GRID2: variants seen among roughly 807,000 people sequenced by gnomAD.
The protein encoded by GRID2 is glutamate ionotropic receptor delta type subunit 2.
In GRID2, 33 loss-of-function variants were observed where a neutral mutation model predicts 114.8. That is an observed-to-expected ratio of 0.29 (90% CI 0.22 to 0.38). GRID2 has a LOEUF of 0.38. Among genes scored for constraint, GRID2 ranks in the 10% least tolerant of loss-of-function variants. The pLI, the probability that GRID2 is intolerant of heterozygous loss-of-function variation, is 1.00. For missense variants in GRID2, 1,184 were observed against 1,257.7 expected, an observed-to-expected ratio of 0.94 and a Z score of 0.89; for synonymous variants, 505 against 449.9, an observed-to-expected ratio of 1.12 and a Z score of -1.55.
chr4:93,253,272 C>T (rs1000969623), intron 8 of GRID2, among the ~76,000 whole-genome samples: 3 of 151,638 alleles, frequency 2.0e-5, no homozygotes, highest in Non-Finnish European at 4.4e-5. Context: ...CAAAACAAAA[C>T]AAAAAACTCA....
At chr4:93,455,529 G>A (rs1723096892) in intron 10 of GRID2, 133 bp from the exon 11 acceptor site, 2 of 624,908 alleles carry the variant, frequency 3.2e-6, no homozygotes, top group East Asian at 2.7e-5. Flanking sequence ...AGTCTATGCA[G>A]TGTTTCAGTT....
chr4:92,526,440 T>A (rs1188730950), intron 1 of GRID2, among the ~76,000 whole-genome samples: 1 of 152,030 alleles, frequency 6.6e-6, no homozygotes, highest in African/African-American at 2.4e-5. Flanking sequence ...ACCTCCCAGG[T>A]TCAAGGGATT....
chr4:93,103,633 CT>C (rs1321032453), intron 3 of GRID2, among the ~76,000 whole-genome samples: 1 of 151,936 alleles, frequency 6.6e-6, no homozygotes, highest in Non-Finnish European at 1.5e-5. Context: ...CCAATAACTA[CT>C]TTTAAGGGAG....
At chr4:92,872,488 A>T (rs1015553839) in intron 2 of GRID2, among the ~76,000 whole-genome samples, 1 of 152,138 alleles carries the variant, frequency 6.6e-6, no homozygotes, top group African/African-American at 2.4e-5. Context: ...ATTTTTCTAG[A>T]ATTGTAGAAT....
chr4:93,192,747 CA>C (rs775968274), intron 4 of GRID2, among the ~76,000 whole-genome samples: 1,545 of 43,744 alleles, frequency 0.035, 2 homozygotes, highest in African/African-American at 0.051. Context: ...AACTCCATCT[CA>C]AAAAAAAAAA....
chr4:93,002,121 A>G (rs1369390639), intron 2 of GRID2, among the ~76,000 whole-genome samples: 1 of 151,756 alleles, frequency 6.6e-6, no homozygotes, highest in Non-Finnish European at 1.5e-5. Context: ...GGTCTTACCA[A>G]TGTACATTCA....
intron 10 of GRID2, among the ~76,000 whole-genome samples, chr4:93,438,326 T>A (rs919865232): frequency 6.6e-6 from 1 of 151,760 alleles, no homozygotes; most frequent in Non-Finnish European, 1.5e-5. Flanking sequence ...GCCTGGGGAG[T>A]TGAAAAGATT....
chr4:92,497,003 A>AT (rs1723418843), intron 1 of GRID2, among the ~76,000 whole-genome samples: 1 of 151,654 alleles, frequency 6.6e-6, no homozygotes, highest in Non-Finnish European at 1.5e-5. Context: ...TTTATCCCCT[A>AT]TTTTTTACCT....
intron 12 of GRID2, among the ~76,000 whole-genome samples, chr4:93,497,042 G>T (rs1158388086): frequency 1.3e-5 from 2 of 151,440 alleles, no homozygotes; most frequent in African/African-American, 2.4e-5. Context: ...GTCAGCATTT[G>T]GTGGTATCAT....
chr4:93,650,665 A>T (rs879706459), intron 14 of GRID2, among the ~76,000 whole-genome samples: 1 of 152,200 alleles, frequency 6.6e-6, no homozygotes, highest in Non-Finnish European at 1.5e-5. Flanking sequence ...TACACTTAAA[A>T]AAAGTCCTTT....
chr4:92,783,590 A>G (rs1365306731), intron 2 of GRID2, among the ~76,000 whole-genome samples: 1 of 152,094 alleles, frequency 6.6e-6, no homozygotes, highest in East Asian at 1.9e-4. Context: ...GCTCTAAAAC[A>G]AATACACAAA....
At chr4:93,702,524 T>C (rs984112913) in intron 14 of GRID2, among the ~76,000 whole-genome samples, 3 of 152,146 alleles carry the variant, frequency 2.0e-5, no homozygotes, top group Non-Finnish European at 4.4e-5. Flanking sequence ...CTATTTGCTG[T>C]TACCATAATG....
intron 1 of GRID2, among the ~76,000 whole-genome samples, chr4:92,545,753 T>A (rs13149456): frequency 6.6e-6 from 1 of 152,188 alleles, no homozygotes. Context: ...TTTGATTCAC[T>A]TGGCTGCGAC....
chr4:92,378,272 A>G (rs957000516), intron 1 of GRID2, among the ~76,000 whole-genome samples: 1 of 152,126 alleles, frequency 6.6e-6, no homozygotes, highest in Non-Finnish European at 1.5e-5. Context: ...ACTATTAAGT[A>G]TTGCTTCAAA....
At chr4:93,355,032 T>C (rs1761197262) in intron 8 of GRID2, among the ~76,000 whole-genome samples, 2 of 151,646 alleles carry the variant, frequency 1.3e-5, no homozygotes, top group Admixed American at 1.3e-4. Flanking sequence ...TTATTATTAT[T>C]ATCATCAACA....
intron 5 of GRID2, among the ~76,000 whole-genome samples, chr4:93,208,366 TATA>T (rs752494501): frequency 2.0e-5 from 3 of 151,938 alleles, no homozygotes; most frequent in African/African-American, 4.8e-5. Flanking sequence ...TTTGGACAAG[TATA>T]ATAACAATTA....
intron 14 of GRID2, among the ~76,000 whole-genome samples, chr4:93,732,847 A>G (rs192599744): frequency 6.6e-5 from 10 of 152,182 alleles, no homozygotes; most frequent in African/African-American, 2.4e-4. Context: ...TTCTCTCCAT[A>G]ATAATTCTAA....
chr4:92,739,330 C>A (rs1736757559), intron 2 of GRID2, among the ~76,000 whole-genome samples: 1 of 152,106 alleles, frequency 6.6e-6, no homozygotes, highest in Non-Finnish European at 1.5e-5. Context: ...AAAAAGTTTT[C>A]CATGTTTAGC....
chr4:92,678,928 G>A (rs372728708), intron 2 of GRID2, among the ~76,000 whole-genome samples: 1 of 149,290 alleles, frequency 6.7e-6, no homozygotes, highest in African/African-American at 2.5e-5. Context: ...TGAGTAACTT[G>A]TAGAGTTGGC....
Sources: gnomAD v4.1 joint callset for allele counts (sites outside exome capture counted in the v4.1 genomes callset) on GRCh38, gnomAD v4.1.1 for gene constraint, MANE v1.5 for transcripts, NCBI Gene and HGNC (gene_info 2026-07-23, HGNC 2026-07-21) for gene names.